NINL: variants seen among roughly 807,000 people sequenced by gnomAD.
NINL encodes ninein-like protein.
NINL carries 153 observed loss-of-function variants against 160.3 expected under a neutral mutation model. That is an observed-to-expected ratio of 0.95 (90% CI 0.84 to 1.09). The LOEUF is 1.09. Ranked by LOEUF, NINL falls within the 50% of genes least tolerant of loss-of-function variation. NINL has a pLI of 0.00. For synonymous variants in NINL, 800 were observed against 734.8 expected (o/e 1.09, Z -1.43); for missense variants, 1,829 against 1,764.0 (o/e 1.04, Z -0.66).
rs548932545 is a variant in NINL, at chr20:25,578,429, C to T, written c.-12+7026G>A. Among the ~76,000 whole-genome samples the T allele has an allele frequency of 9.2e-5, 14 of 152,024 alleles. No homozygotes were observed. In the East Asian group the frequency reaches 1.4e-3, roughly 15 times the overall value. ...GGCCCTGAAATGTTATTTCCATGGG[C>T]GCACACACGCACACAAAGCCACAAA... On this transcript the variant is annotated intron_variant, in intron 1 of 23. Coordinates refer to ENST00000278886, the MANE Select transcript of NINL (RefSeq NM_025176.6).
chr20:25,463,904 C>T (rs926966918), intron 19 of NINL, among the ~76,000 whole-genome samples: 1 of 152,224 alleles, frequency 6.6e-6, no homozygotes, highest in Non-Finnish European at 1.5e-5. Context: ...TTAAGAGAAG[C>T]TTCCACCACG....
intron 5 of NINL, 29 bp from the exon 6 acceptor site, chr20:25,505,107 C>T: frequency 6.5e-7 from 1 of 1,531,084 alleles, no homozygotes; most frequent in Non-Finnish European, 8.8e-7. Flanking sequence ...CACAGTTACA[C>T]CCTGATACAT....
chr20:25,504,029 G>C lies in NINL; in HGVS notation c.784C>G (p.Leu262Val). 1 of 1,612,496 alleles carries C rather than the reference G, an allele frequency of 6.2e-7. No homozygotes were observed. Among genetic ancestry groups the C allele is most frequent in the Non-Finnish European group, 8.5e-7 (1 of 1,179,478 alleles). The part of the protein sequence containing the change: ...KVSLEEFQLG[L>V]FSHEPALLLE... Reference sequence around the variant, plus strand: ...AGTAGCGCGGGCTCATGACTGAAGAGGCCAAGCTGGAATTCCTCAAGACTC... The same window carrying C: ...AGTAGCGCGGGCTCATGACTGAAGACGCCAAGCTGGAATTCCTCAAGACTC... Residue 262 changes from leucine (L) to valine (V), a missense_variant, in exon 7 of 24, where the codon CTC becomes GTC. By Grantham distance (32) the Leu-to-Val change is conservative (BLOSUM62 1). Coordinates refer to ENST00000278886, the MANE Select transcript of NINL (RefSeq NM_025176.6).
At position 25,524,593 on chromosome 20, in the gene NINL, C is replaced by T. The variant is rs143403923; in HGVS notation, c.180+1815G>A. Among the ~76,000 whole-genome samples, 213 of 152,278 alleles carry T rather than the reference C, an allele frequency of 1.4e-3. 1 individual carries two copies. Among genetic ancestry groups the T allele is most frequent in the African/African-American group, 4.8e-3 (200 of 41,562 alleles). On this transcript the variant is annotated intron_variant, in intron 2 of 23. Transcript: ENST00000278886. ...AAAGGAAATTCCATCTCAGATGAGCCGCTTTTCAGGGTGCGTGTGACAGGG... is the reference window on the plus strand; with the variant it reads ...AAAGGAAATTCCATCTCAGATGAGCTGCTTTTCAGGGTGCGTGTGACAGGG...
At position 25,504,927 on chromosome 20, in the gene NINL, C is replaced by T. The variant is rs752885295; in HGVS notation, c.669G>A (p.Val223=). The change falls in exon 6 of 24, where the codon GTG becomes GTA. Residue 223 remains valine, a synonymous_variant. Transcript: ENST00000278886. ...CCTGGAGCCCGACGCTCTGGCAGAC[C>T]ACAGCCAGCTCCTGCTCGCTCAGGT... ...SGHLSEQELA[V]VCQSVGLQGL... The T allele has an allele frequency of 5.6e-6, 9 of 1,612,130 alleles. No individual in the cohort carries two copies. In the South Asian group the frequency reaches 8.8e-5, roughly 16 times the overall value.
intron 17 of NINL, among the ~76,000 whole-genome samples, chr20:25,472,324 G>GATAGATATATATATAT (rs1555845880): frequency 1.2e-5 from 1 of 83,982 alleles, no homozygotes; most frequent in Non-Finnish European, 2.4e-5. Context: ...GGGAGGAGAG[G>GATAGATATATATATAT]ATATATATAT....
At position 25,479,118 on chromosome 20, in the gene NINL, A is replaced by G. The variant is rs764575149; in HGVS notation, c.2006T>C (p.Val669Ala). Residue 669 changes from valine (V) to alanine (A), a missense_variant, in exon 16 of 24, where the codon GTC becomes GCC. Transcript: ENST00000278886. ...KDMEQARRRE[V>A]SVLEGQKADL... ...GGCCTTCTGACCCTCCAGCACGCTG[A>G]CCTCGCGCCTGCGAGCCTGCTCCAT... The G allele has an allele frequency of 6.2e-6, 10 of 1,613,798 alleles. No individual in the cohort carries two copies. The highest frequency in any genetic ancestry group is 8.5e-6 in the Non-Finnish European group (10 of 1,180,018).
At chr20:25,546,234 C>G (rs1010328449) in intron 1 of NINL, among the ~76,000 whole-genome samples, 1 of 152,192 alleles carries the variant, frequency 6.6e-6, no homozygotes, top group Admixed American at 6.5e-5. Context: ...AACACCTTCA[C>G]AGCATACACT....
chr20:25,491,652 C>CA, intron 10 of NINL, 127 bp from the exon 11 acceptor site: 1 of 1,158,440 alleles, frequency 8.6e-7, no homozygotes, highest in Non-Finnish European at 1.2e-6. Context: ...GGCCGCCCTG[C>CA]CTTGGCTGAG....
At position 25,458,428 on chromosome 20, in the gene NINL, G is replaced by A. The variant is rs1470210540; in HGVS notation, c.3798C>T (p.Leu1266=). The change falls in exon 22 of 24, where the codon CTC becomes CTT. Residue 1266 remains leucine (L), a synonymous_variant. Coordinates refer to ENST00000278886, the MANE Select transcript of NINL (RefSeq NM_025176.6). ...QDRVAELHRL[L]SLQGEQARRR... is the part of the protein sequence containing the mutation. ...TCCTGGCCTGCTCTCCCTGAAGGCT[G>A]AGCAGGCGATGCAGCTCGGCCACAC... 2.5e-6 allele frequency: 4 copies of A among 1,606,458 alleles called. No homozygotes were observed. The highest frequency in any genetic ancestry group is 2.7e-5 in the African/African-American group (2 of 74,880).
rs183408806 is a variant in NINL, at chr20:25,545,120, C to T, written c.-11-18522G>A. Among the ~76,000 whole-genome samples the T allele has an allele frequency of 2.0e-5, 3 of 152,304 alleles. No homozygotes were observed. The East Asian group carries it at 5.8e-4, about 29-fold the overall frequency. On this transcript the variant is annotated intron_variant, in intron 1 of 23. Coordinates refer to ENST00000278886, the MANE Select transcript of NINL (RefSeq NM_025176.6). The stretch of plus-strand genomic sequence containing the variant: ...AGGTTTTCTGGAGGTTTAGTATTTA[C>T]ACATTCCTTTAAAGTGCAGAAGGCA...
chr20:25,585,405 C>G (rs2065219069), intron 1 of NINL, 50 bp downstream of exon 1: 1 of 152,150 alleles, frequency 6.6e-6, no homozygotes, highest in Admixed American at 6.5e-5. Flanking sequence ...CCCGGACTCT[C>G]GACCCCACCA....
At chr20:25,522,625 T>C (rs1417174022) in intron 2 of NINL, among the ~76,000 whole-genome samples, 1 of 152,222 alleles carries the variant, frequency 6.6e-6, no homozygotes, top group East Asian at 1.9e-4. Flanking sequence ...AATGATGAAA[T>C]TGCAATTTTG....
intron 1 of NINL, 52 bp from the exon 2 acceptor site, chr20:25,526,650 C>T (rs1472973981): frequency 1.3e-6 from 2 of 1,547,850 alleles, no homozygotes; most frequent in Non-Finnish European, 1.8e-6. Context: ...CCCACCTCCC[C>T]TCCCATTCCC....
Position 25,520,461 on chromosome 20 carries a change from ACTAT to A in NINL, c.181-2616_181-2613del, listed in dbSNP as rs984283362. Among the ~76,000 whole-genome samples the A allele has an allele frequency of 1.4e-4, 21 of 152,338 alleles. No homozygotes were observed. The Middle Eastern group carries it at 0.01, about 74-fold the overall frequency. The stretch of plus-strand genomic sequence containing the variant: ...CCTCTGCCTGGGACACACATGTATT[ACTAT>A]CTGACATTAAATTATACATGCATTT... On this transcript the variant is annotated intron_variant, in intron 2 of 23. Coordinates refer to ENST00000278886, the MANE Select transcript of NINL (RefSeq NM_025176.6).
chr20:25,581,719 C>T (rs1454291957), intron 1 of NINL, among the ~76,000 whole-genome samples: 1 of 152,204 alleles, frequency 6.6e-6, no homozygotes, highest in African/African-American at 2.4e-5. Context: ...CTCCAAGGAA[C>T]TTGAACTCAC....
chr20:25,468,757 C>CT (rs2062995319), intron 18 of NINL, among the ~76,000 whole-genome samples: 2 of 138,612 alleles, frequency 1.4e-5, no homozygotes, highest in African/African-American at 2.7e-5. Context: ...CCCTGTCCCC[C>CT]GACTCTCACT....
chr20:25,545,447 G>A (rs1240189873), intron 1 of NINL, among the ~76,000 whole-genome samples: 1 of 149,342 alleles, frequency 6.7e-6, no homozygotes, highest in East Asian at 1.9e-4. Flanking sequence ...TCATGTATGG[G>A]AGGTGTAAAC....
chr20:25,543,907 G>A (rs374835334), intron 1 of NINL, among the ~76,000 whole-genome samples: 5 of 143,094 alleles, frequency 3.5e-5, no homozygotes, highest in African/African-American at 1.1e-4. Flanking sequence ...CCCTTGAGGC[G>A]CTGCCTCCCA....
Sources: gnomAD v4.1 joint callset for allele counts (sites outside exome capture counted in the v4.1 genomes callset) on GRCh38, gnomAD v4.1.1 for gene constraint, MANE v1.5 for transcripts, NCBI Gene and HGNC (gene_info 2026-07-23, HGNC 2026-07-21) for gene names.